Variants in ANAPC1 observed in about 807,000 individuals in gnomAD.
ANAPC1 encodes the protein anaphase-promoting complex subunit 1.
A neutral mutation model predicts 208.0 loss-of-function variants in ANAPC1; 36 were observed. That is an observed-to-expected ratio of 0.17 (90% CI 0.13 to 0.23). ANAPC1 has a LOEUF of 0.23. Among genes scored for constraint, ANAPC1 ranks in the 10% least tolerant of loss-of-function variants. The pLI, the probability that ANAPC1 is intolerant of heterozygous loss-of-function variation, is 1.00. For synonymous variants in ANAPC1, 378 were observed against 695.2 expected, an observed-to-expected ratio of 0.54 and a Z score of 7.18; for missense variants, 942 against 2,011.6, an observed-to-expected ratio of 0.47 and a Z score of 10.17.
intron 34 of ANAPC1, among the ~76,000 whole-genome samples, chr2:111,799,259 C>T (rs71279285): frequency 7.3e-5 from 11 of 150,898 alleles, no homozygotes; most frequent in Admixed American, 4.6e-4. Flanking sequence ...GATATCATTA[C>T]GTATTCATCA....
chr2:111,855,439 TA>T (rs143653553), intron 13 of ANAPC1, among the ~76,000 whole-genome samples: 3 of 150,726 alleles, frequency 2.0e-5, no homozygotes, highest in Admixed American at 6.6e-5. Flanking sequence ...CTTCAATCTG[TA>T]AAAAAAAATG....
At chr2:111,784,187 CT>C in intron 41 of ANAPC1, 135 bp downstream of exon 41, 1 of 1,202,914 alleles carries the variant, frequency 8.3e-7, no homozygotes, top group Non-Finnish European at 1.2e-6. Context: ...TTCTTTCTGA[CT>C]TTTCCTCCTG....
At chr2:111,788,914 G>A (rs1338606940) in intron 38 of ANAPC1, among the ~76,000 whole-genome samples, 6 of 151,922 alleles carry the variant, frequency 3.9e-5, no homozygotes, top group South Asian at 4.2e-4. Flanking sequence ...CGAGGCGGGC[G>A]GATCACGAGG....
rs189310366 is a variant in ANAPC1 at position 111,867,067 on chromosome 2, G to T, written c.685+956C>A. ...GCACTTTGGGAGGCCGAGGTGGGTG[G>T]ATCACCTGAGGTCAGGAGTTCAAGA... On this transcript the variant is annotated intron_variant, in intron 7 of 47. Coordinates refer to ENST00000341068, the MANE Select transcript of ANAPC1 (RefSeq NM_022662.4). 4.9e-3 allele frequency among the ~76,000 whole-genome samples: 752 copies of T among 152,186 alleles called. 4 individuals are homozygous for T. The highest frequency in any genetic ancestry group is 0.017 in the African/African-American group (726 of 41,526).
chr2:111,863,987 G>A lies in ANAPC1; in HGVS notation c.832-92C>T, dbSNP rs987222815. On this transcript the variant is annotated intron_variant, in intron 8 of 47. Coordinates refer to ENST00000341068, the MANE Select transcript of ANAPC1 (RefSeq NM_022662.4). ...CTTGTAAGAATGCAAGTTGAAGTCA[G>A]TTACTAAAGACACAGTATTTCTTCT... 10 of 1,402,702 alleles carry A rather than the reference G, an allele frequency of 7.1e-6. No homozygotes were observed. In the African/African-American group the frequency reaches 1.5e-4, roughly 20 times the overall value. The allele number at this position is 1,402,702 out of a possible 1,614,324, so 86.9% of individuals were successfully genotyped here.
At chr2:111,792,991 G>C (rs1411050541) in intron 37 of ANAPC1, among the ~76,000 whole-genome samples, 1 of 152,116 alleles carries the variant, frequency 6.6e-6, no homozygotes, top group Non-Finnish European at 1.5e-5. Flanking sequence ...TATTTTCCCT[G>C]ATTATGAAAT....
chr2:111,881,543 AT>A (rs1263978618), intron 1 of ANAPC1, among the ~76,000 whole-genome samples: 2 of 152,168 alleles, frequency 1.3e-5, no homozygotes, highest in African/African-American at 4.8e-5. Context: ...ATTACATCTA[AT>A]TAATCTAATT....
intron 46 of ANAPC1, among the ~76,000 whole-genome samples, chr2:111,773,404 G>A (rs1383995412): frequency 6.6e-6 from 1 of 152,230 alleles, no homozygotes; most frequent in African/African-American, 2.4e-5. Context: ...TGGAACCTCA[G>A]AGAAATGGAG....
At chr2:111,824,253 A>C (rs1024616692) in intron 24 of ANAPC1, among the ~76,000 whole-genome samples, 6 of 146,630 alleles carry the variant, frequency 4.1e-5, no homozygotes, top group Admixed American at 2.1e-4. Flanking sequence ...AAAAAAAAAA[A>C]AAAAACCTGT....
At chr2:111,835,058 G>T (rs148223480) in intron 18 of ANAPC1, among the ~76,000 whole-genome samples, 186 bp from the exon 19 acceptor site, 5 of 150,568 alleles carry the variant, frequency 3.3e-5, no homozygotes, top group African/African-American at 1.2e-4. Flanking sequence ...AGTTATAAAC[G>T]TTAAGGCAAG....
rs1363185670 is a variant in ANAPC1 at position 111,850,911 on chromosome 2, C to T, written c.1516-1G>A. ...GTCCAGGAATAAAAACCTTTCCCACCTTTAAGCAATAAAAACATGTGGAAA... is the reference window on the plus strand; with the variant it reads ...GTCCAGGAATAAAAACCTTTCCCACTTTTAAGCAATAAAAACATGTGGAAA... On this transcript the variant is annotated splice_acceptor_variant, in intron 13 of 47. Coordinates refer to ENST00000341068, the MANE Select transcript of ANAPC1 (RefSeq NM_022662.4). LOFTEE classifies it high-confidence loss of function. The T allele has an allele frequency of 6.3e-7, 1 of 1,588,144 alleles. No individual in the cohort carries two copies. Among genetic ancestry groups the T allele is most frequent in the African/African-American group, 1.4e-5 (1 of 73,314 alleles).
chr2:111,863,818 T>C lies in ANAPC1; in HGVS notation c.909A>G (p.Ala303=). 1 of 1,613,832 alleles carries C rather than the reference T, an allele frequency of 6.2e-7. No individual in the cohort carries two copies. Among genetic ancestry groups the C allele is most frequent in the South Asian group, 1.1e-5 (1 of 91,066 alleles). The stretch of plus-strand genomic sequence containing the variant: ...CTCCTTTGGAGAGGCTTCTGAGATG[T>C]GCTGTGAGGGAGCTGCTAGTGGCCA... ...QNVATSSSLT[A]HLRSLSKGDS... Residue 303 remains alanine, a synonymous_variant, in exon 9 of 48, where the codon GCA becomes GCG. Transcript: ENST00000341068.
At chr2:111,787,475 G>C (rs889383741) in intron 39 of ANAPC1, among the ~76,000 whole-genome samples, 2 of 151,770 alleles carry the variant, frequency 1.3e-5, no homozygotes, top group African/African-American at 4.8e-5. Flanking sequence ...AGGTTACTGT[G>C]ATAAGTGCTC....
chr2:111,882,026 T>C (rs748979791), intron 1 of ANAPC1, among the ~76,000 whole-genome samples: 22 of 151,830 alleles, frequency 1.4e-4, no homozygotes, highest in Non-Finnish European at 2.4e-4. Flanking sequence ...CTACTAAAAA[T>C]ACAAAAAATT....
chr2:111,813,574 G>A, intron 28 of ANAPC1, among the ~76,000 whole-genome samples: 1 of 148,462 alleles, frequency 6.7e-6, no homozygotes, highest in Non-Finnish European at 1.5e-5. Flanking sequence ...CCAGAAGCTA[G>A]GAAACAACTA....
At chr2:111,781,938 G>A (rs1296645297) in intron 43 of ANAPC1, among the ~76,000 whole-genome samples, 6 of 152,394 alleles carry the variant, frequency 3.9e-5, no homozygotes, top group African/African-American at 1.4e-4. Context: ...TCTGTCATCA[G>A]TTTATCCTCA....
chr2:111,788,380 C>T, intron 38 of ANAPC1, 60 bp from the exon 39 acceptor site: 1 of 1,583,664 alleles, frequency 6.3e-7, no homozygotes, highest in African/African-American at 1.3e-5. Context: ...ACTTTCAAGG[C>T]ATTCTTGAGA....
intron 42 of ANAPC1, among the ~76,000 whole-genome samples, chr2:111,782,851 T>G (rs1677360007): frequency 6.6e-6 from 1 of 152,134 alleles, no homozygotes; most frequent in Non-Finnish European, 1.5e-5. Context: ...TAAATATCTA[T>G]TAATTGGTTT....
chr2:111,841,193 T>A (rs1292122651), intron 17 of ANAPC1, among the ~76,000 whole-genome samples: 1 of 151,894 alleles, frequency 6.6e-6, no homozygotes, highest in African/African-American at 2.4e-5. Context: ...ACTCAACAAA[T>A]GTTCACTGAG....
Sources: gnomAD v4.1 joint callset for allele counts (sites outside exome capture counted in the v4.1 genomes callset) on GRCh38, gnomAD v4.1.1 for gene constraint, MANE v1.5 for transcripts, NCBI Gene and HGNC (gene_info 2026-07-23, HGNC 2026-07-21) for gene names.